Variants in HSPA8 observed in about 807,000 individuals in gnomAD.
HSPA8 encodes the protein heat shock cognate 71 kDa protein.
In HSPA8, 2 loss-of-function variants were observed where a neutral mutation model predicts 52.8. The observed-to-expected ratio is 0.04, with a 90% CI of 0.02 to 0.12. The LOEUF is 0.12. Ranked by LOEUF, HSPA8 falls within the 10% of genes least tolerant of loss-of-function variation. The pLI, the probability that HSPA8 is intolerant of heterozygous loss-of-function variation, is 1.00. For missense variants in HSPA8, 349 were observed against 800.5 expected, an observed-to-expected ratio of 0.44 and a Z score of 6.81; for synonymous variants, 436 against 274.0, an observed-to-expected ratio of 1.59 and a Z score of -5.84.
At position 123,057,912 on chromosome 11, in the gene HSPA8, T is replaced by TCGGC; in HGVS notation, c.1762_1763insGCCG (p.Glu588GlyfsTer7). ...CTGTTGATGTTCAAATTCTTCCTTCTCAGCAGTCTGAGGAAGAGAAAAAGG... is the reference window on the plus strand; with the variant it reads ...CTGTTGATGTTCAAATTCTTCCTTCTCGGCCAGCAGTCTGAGGAAGAGAAAAAGG... On this transcript the variant is annotated frameshift_variant, in exon 9 of 9. Coordinates refer to ENST00000534624, the MANE Select transcript of HSPA8 (RefSeq NM_006597.6). LOFTEE classifies it high-confidence loss of function. 1 of 1,607,200 alleles carries TCGGC rather than the reference T, an allele frequency of 6.2e-7. No homozygotes were observed. The highest frequency in any genetic ancestry group is 8.5e-7 in the Non-Finnish European group (1 of 1,177,290).
rs1272386847 is a variant in HSPA8 at position 123,057,833 on chromosome 11, T to A, written c.1842A>T (p.Ala614=). 6.2e-7 allele frequency: 1 copy of A among 1,613,484 alleles called. No homozygotes were observed. Among genetic ancestry groups the A allele is most frequent in the East Asian group, 2.2e-5 (1 of 44,886 alleles). ...CAGGCATTCCTCCTGGCATGCCTCC[T>A]GCACTCTGGTACAGCTTGGTGATGA... is the stretch of plus-strand genomic sequence containing the variant. ...NPIITKLYQS[A]GGMPGGMPGG... The change falls in exon 9 of 9, where the codon GCA becomes GCT. Residue 614 remains alanine (A), a synonymous_variant. Coordinates refer to ENST00000534624, the MANE Select transcript of HSPA8 (RefSeq NM_006597.6).
chr11:123,061,053 G>A (rs1002888953), intron 2 of HSPA8, 67 bp downstream of exon 2: 23 of 1,396,384 alleles, frequency 1.6e-5, no homozygotes, highest in Non-Finnish European at 2.0e-5. Flanking sequence ...CCCTCCTCAC[G>A]TTTCATAAAC....
intron 1 of HSPA8, 138 bp from the exon 2 acceptor site, chr11:123,061,467 G>T (rs1865499312): frequency 5.8e-6 from 4 of 686,800 alleles, no homozygotes; most frequent in Non-Finnish European, 1.0e-5. Context: ...GTCTAAGCAC[G>T]CGCGAGGTCC....
intron 6 of HSPA8, 45 bp downstream of exon 6, chr11:123,059,014 T>G: frequency 6.5e-7 from 1 of 1,544,060 alleles, no homozygotes; most frequent in Non-Finnish European, 9.0e-7. Context: ...AGACTTCCCT[T>G]TATCTGTTAT....
chr11:123,061,616 C>G (rs1865505820), intron 1 of HSPA8: 2 of 459,720 alleles, frequency 4.4e-6, no homozygotes, highest in Non-Finnish European at 8.0e-6. Flanking sequence ...TGTTCCCCTC[C>G]CTCGCCAGGT....
intron 8 of HSPA8, 128 bp downstream of exon 8, chr11:123,058,124 T>A (rs983638442): frequency 1.3e-6 from 1 of 745,736 alleles, no homozygotes; most frequent in African/African-American, 1.8e-5. Flanking sequence ...TGAATTCTGG[T>A]GGAAACCGCG....
At chr11:123,061,669 A>AT (rs1395278803) in intron 1 of HSPA8, 2 of 352,124 alleles carry the variant, frequency 5.7e-6, no homozygotes, top group Non-Finnish European at 1.1e-5. Flanking sequence ...CTACTCCGGA[A>AT]TGTACCCCCA....
At chr11:123,058,544 GTTTCTC>G in intron 7 of HSPA8, 60 bp from the exon 8 acceptor site, 1 of 1,580,564 alleles carries the variant, frequency 6.3e-7, no homozygotes, top group Non-Finnish European at 8.7e-7. Context: ...TGTAACTCTA[GTTTCTC>G]TTAGCTAGAC....
chr11:123,060,337 GA>G (rs1316736340), intron 3 of HSPA8, 69 bp from the exon 4 acceptor site: 158 of 1,416,070 alleles, frequency 1.1e-4, no homozygotes, highest in Non-Finnish European at 1.5e-4. Flanking sequence ...CCAGCAAATG[GA>G]TTAATGCTGG....
chr11:123,057,634 G>GCA lies in HSPA8; in HGVS notation c.*98_*99dup. The GCA allele has an allele frequency of 1.2e-6, 1 of 862,724 alleles. No individual in the cohort carries two copies. The highest frequency in any genetic ancestry group is 1.8e-6 in the Non-Finnish European group (1 of 555,238). 53.4% of individuals were successfully genotyped at this position (862,724 alleles called of 1,614,324 possible). A position where few individuals can be genotyped will look rare whatever the true frequency, so the allele number is the denominator to read the frequency against. ...TGAGAATGCCCAGTAACTTACTATA[G>GCA]CAGCTTAACTTTTTAAAACTGCCAC... On this transcript the variant is annotated 3_prime_UTR_variant, in exon 9 of 9. Coordinates refer to ENST00000534624, the MANE Select transcript of HSPA8 (RefSeq NM_006597.6).
intron 7 of HSPA8, 45 bp from the exon 8 acceptor site, chr11:123,058,529 G>A (rs1174672179): frequency 1.3e-6 from 2 of 1,587,808 alleles, no homozygotes; most frequent in South Asian, 1.1e-5. Flanking sequence ...AATTACCTGT[G>A]TATGTGTAAC....
chr11:123,060,094 T>C (rs766545520), intron 4 of HSPA8, 22 bp downstream of exon 4: 1 of 1,614,008 alleles, frequency 6.2e-7, no homozygotes. Context: ...TAATCCGAAC[T>C]TGCATCACAA....
Position 123,057,897 on chromosome 11 carries a change from T to C in HSPA8, c.1778A>G (p.Glu593Gly), listed in dbSNP as rs1320337416. The C allele has an allele frequency of 6.2e-7, 1 of 1,609,992 alleles. No homozygotes were observed. The highest frequency in any genetic ancestry group is 1.1e-5 in the South Asian group (1 of 90,200). ...TTTCTCCAGCTCTTTCTGTTGATGTTCAAATTCTTCCTTCTCAGCAGTCTG... is the reference window on the plus strand; with the variant it reads ...TTTCTCCAGCTCTTTCTGTTGATGTCCAAATTCTTCCTTCTCAGCAGTCTG... ...KNQTAEKEEF[E>G]HQQKELEKVC... is the part of the protein sequence containing the mutation. The change falls in exon 9 of 9, where the codon GAA becomes GGA. Residue 593 changes from glutamate (E) to glycine (G), a missense_variant. By Grantham distance (98) the Glu-to-Gly change is moderately conservative. Coordinates refer to ENST00000534624, the MANE Select transcript of HSPA8 (RefSeq NM_006597.6).
rs138544510 is a variant in HSPA8 at position 123,058,675 on chromosome 11, C to T, written c.1479G>A (p.Lys493=). ...TAATCTTGTTCTCTTTTCCCGTACTCTTGTCCACAGCAGAGACATTGAGTA... is the reference window on the plus strand; with the variant it reads ...TAATCTTGTTCTCTTTTCCCGTACTTTTGTCCACAGCAGAGACATTGAGTA... The part of the protein sequence containing the change: ...NGILNVSAVD[K]STGKENKITI... The change falls in exon 7 of 9, where the codon AAG becomes AAA. Residue 493 remains lysine (K), a synonymous_variant. Coordinates refer to ENST00000534624, the MANE Select transcript of HSPA8 (RefSeq NM_006597.6). 1.2e-6 allele frequency: 2 copies of T among 1,613,834 alleles called. No homozygotes were observed. Among genetic ancestry groups the T allele is most frequent in the African/African-American group, 2.7e-5 (2 of 74,916 alleles).
chr11:123,058,584 T>C (rs531181092), intron 7 of HSPA8, 48 bp downstream of exon 7: 36 of 1,582,260 alleles, frequency 2.3e-5, no homozygotes, highest in African/African-American at 1.9e-4. Context: ...AGTAACTCAA[T>C]TGAAATACCA....
chr11:123,060,946 C>T (rs972915041), intron 2 of HSPA8, 148 bp from the exon 3 acceptor site: 2 of 877,828 alleles, frequency 2.3e-6, no homozygotes, highest in Non-Finnish European at 3.6e-6. Flanking sequence ...CAACCTCCTA[C>T]GTTATCCAGA....
intron 1 of HSPA8, 182 bp from the exon 2 acceptor site, chr11:123,061,511 ACCGCAGCAGAGCAC>A (rs1470254290): frequency 1.6e-6 from 1 of 609,188 alleles, no homozygotes; most frequent in Non-Finnish European, 2.9e-6. Context: ...TGCCGTGCCA[ACCGCAGCAGAGCAC>A]GCCCTAGATG....
rs1450746614 is a variant in HSPA8 at position 123,060,581 on chromosome 11, A to G, written c.411+12T>C. On this transcript the variant is annotated intron_variant, in intron 3 of 8. Transcript: ENST00000534624. ...CTCCGGAATGCACCCCATACTGAAAAACCAACCTCACCTTCCCAAGGTAGG... is the reference window on the plus strand; with the variant it reads ...CTCCGGAATGCACCCCATACTGAAAGACCAACCTCACCTTCCCAAGGTAGG... 1 of 1,609,088 alleles carries G rather than the reference A, an allele frequency of 6.2e-7. No homozygotes were observed. Among genetic ancestry groups the G allele is most frequent in the African/African-American group, 1.3e-5 (1 of 74,592 alleles).
rs531125464 is a variant in HSPA8, at chr11:123,058,238, A to C, written c.1755+14T>G. ...TTGAGTGGGGGAGGAAAAAAAAAAA[A>C]AAAAAACACAAACCTGATTCTTATC... On this transcript the variant is annotated intron_variant, in intron 8 of 8. Coordinates refer to ENST00000534624, the MANE Select transcript of HSPA8 (RefSeq NM_006597.6). 1,479 of 1,506,324 alleles carry C rather than the reference A, an allele frequency of 9.8e-4. 17 individuals are homozygous for C. In the South Asian group the frequency reaches 0.017, roughly 17 times the overall value. The allele number at this position is 1,506,324 out of a possible 1,614,324, so 93.3% of individuals were successfully genotyped here. A position where few individuals can be genotyped will look rare whatever the true frequency, so the allele number is the denominator to read the frequency against.
Sources: gnomAD v4.1 joint callset for allele counts on GRCh38, gnomAD v4.1.1 for gene constraint, MANE v1.5 for transcripts, NCBI Gene and HGNC (gene_info 2026-07-23, HGNC 2026-07-21) for gene names.